Variants in ABTB2 observed in about 807,000 individuals in gnomAD.
ABTB2 encodes ankyrin repeat and BTB domain containing 2.
ABTB2 carries 56 observed loss-of-function variants against 104.1 expected under a neutral mutation model. The observed-to-expected ratio is 0.54, with a 90% CI of 0.43 to 0.67. The LOEUF is 0.67. ABTB2 is among the 30% of genes least tolerant of loss of function. ABTB2 has a pLI of 0.00. For synonymous variants in ABTB2, 606 were observed against 608.2 expected (o/e 1.00, Z 0.05); for missense variants, 1,279 against 1,407.7 (o/e 0.91, Z 1.46).
At chr11:34,299,448 G>A (rs1854671110) in intron 1 of ABTB2, among the ~76,000 whole-genome samples, 2 of 152,180 alleles carry the variant, frequency 1.3e-5, no homozygotes, top group South Asian at 2.1e-4. Flanking sequence ...GAGGAGCTGC[G>A]TGTTTGGAAA....
chr11:34,221,999 C>T lies in ABTB2; in HGVS notation c.884-17309G>A, dbSNP rs189309324. On this transcript the variant is annotated intron_variant, in intron 1 of 16. Transcript: ENST00000435224. ...GGCGGAGGTTGCAGTGAGTCGAGAT[C>T]GCACCATTGCATTTCCAGCCTGGGT... Among the ~76,000 whole-genome samples the T allele has an allele frequency of 6.4e-4, 98 of 152,258 alleles. No individual in the cohort carries two copies. In the East Asian group the frequency reaches 0.016, roughly 25 times the overall value.
chr11:34,229,923 G>C (rs1055545978), intron 1 of ABTB2, among the ~76,000 whole-genome samples: 1 of 152,180 alleles, frequency 6.6e-6, no homozygotes, highest in Non-Finnish European at 1.5e-5. Flanking sequence ...TGTCTACCCA[G>C]TTCTTGCCAC....
intron 1 of ABTB2, among the ~76,000 whole-genome samples, chr11:34,347,078 C>T (rs1855340791): frequency 6.6e-6 from 1 of 152,092 alleles, no homozygotes; most frequent in African/African-American, 2.4e-5. Context: ...TCCAGGCTTC[C>T]AAGTTTAGTT....
At chr11:34,179,275 A>T (rs775992866) in intron 3 of ABTB2, among the ~76,000 whole-genome samples, 11 of 152,182 alleles carry the variant, frequency 7.2e-5, no homozygotes, top group African/African-American at 2.7e-4. Flanking sequence ...TCTCCTGGAT[A>T]CTTGTGAGAG....
intron 2 of ABTB2, among the ~76,000 whole-genome samples, chr11:34,200,668 T>C (rs1364844377): frequency 6.6e-6 from 1 of 152,190 alleles, no homozygotes; most frequent in Non-Finnish European, 1.5e-5. Context: ...TAGACAAAAT[T>C]TCCTTTAACT....
chr11:34,307,016 A>AAAAG, intron 1 of ABTB2, among the ~76,000 whole-genome samples: 1 of 150,006 alleles, frequency 6.7e-6, no homozygotes, highest in Non-Finnish European at 1.5e-5. Context: ...AAAGAAAAAA[A>AAAAG]GCAGACGAAC....
At chr11:34,334,766 G>A (rs1233165302) in intron 1 of ABTB2, among the ~76,000 whole-genome samples, 1 of 57,344 alleles carries the variant, frequency 1.7e-5, no homozygotes, top group South Asian at 9.1e-4. Flanking sequence ...CTTAATATTT[G>A]GGTTTTTTTT....
chr11:34,256,912 G>A (rs1477558616), intron 1 of ABTB2, among the ~76,000 whole-genome samples: 10 of 152,202 alleles, frequency 6.6e-5, no homozygotes, highest in African/African-American at 2.4e-4. Flanking sequence ...ATGAGACAGA[G>A]TTTGTCCTGT....
At chr11:34,290,241 C>T (rs969729561) in intron 1 of ABTB2, among the ~76,000 whole-genome samples, 3 of 152,198 alleles carry the variant, frequency 2.0e-5, no homozygotes, top group African/African-American at 4.8e-5. Flanking sequence ...TAGCTATCTT[C>T]CCTTGCACGA....
chr11:34,153,099 G>A (rs116520106), intron 16 of ABTB2, among the ~76,000 whole-genome samples: 2,817 of 152,304 alleles, frequency 0.018, 84 homozygotes, highest in African/African-American at 0.063. Context: ...TAAAGCCAAC[G>A]TGACAGGATG....
At chr11:34,243,920 A>G (rs1853951802) in intron 1 of ABTB2, among the ~76,000 whole-genome samples, 1 of 152,254 alleles carries the variant, frequency 6.6e-6, no homozygotes, top group Non-Finnish European at 1.5e-5. Context: ...TGTGGCCAAG[A>G]TCCCTCAGTA....
At chr11:34,165,205 G>T in intron 8 of ABTB2, 55 bp downstream of exon 8, 1 of 1,474,140 alleles carries the variant, frequency 6.8e-7, no homozygotes, top group Non-Finnish European at 9.1e-7. Flanking sequence ...GCCTGGCCAG[G>T]CTGGGGGGCA....
At chr11:34,239,616 C>T (rs961129233) in intron 1 of ABTB2, among the ~76,000 whole-genome samples, 1 of 152,212 alleles carries the variant, frequency 6.6e-6, no homozygotes, top group Admixed American at 6.5e-5. Context: ...CAGGTCTGAG[C>T]CACCACCCGG....
At chr11:34,164,106 T>TTTCC (rs1852762055) in intron 9 of ABTB2, among the ~76,000 whole-genome samples, 2 of 152,196 alleles carry the variant, frequency 1.3e-5, no homozygotes, top group Admixed American at 6.5e-5. Flanking sequence ...CAGCCCTGCT[T>TTTCC]ATCCAGCCCC....
intron 1 of ABTB2, among the ~76,000 whole-genome samples, chr11:34,279,025 A>T (rs546320116): frequency 8.5e-5 from 13 of 152,344 alleles, no homozygotes; most frequent in Non-Finnish European, 1.6e-4. Flanking sequence ...ATGCAGCTCC[A>T]TGGGTATAAT....
chr11:34,316,794 A>C (rs932752723), intron 1 of ABTB2, among the ~76,000 whole-genome samples: 1 of 152,228 alleles, frequency 6.6e-6, no homozygotes, highest in African/African-American at 2.4e-5. Context: ...GCCTGTCCTA[A>C]TTGACTACAT....
At chr11:34,172,407 T>A (rs1309358300) in intron 4 of ABTB2, among the ~76,000 whole-genome samples, 3 of 67,748 alleles carry the variant, frequency 4.4e-5, no homozygotes, top group African/African-American at 1.5e-4. Flanking sequence ...TATATATATA[T>A]ATATATATAT....
At chr11:34,250,203 G>A (rs981069995) in intron 1 of ABTB2, among the ~76,000 whole-genome samples, 1 of 152,148 alleles carries the variant, frequency 6.6e-6, no homozygotes. Flanking sequence ...GGGTATCTAG[G>A]CATTAAGGAC....
chr11:34,186,375 T>C (rs772026933), intron 3 of ABTB2, among the ~76,000 whole-genome samples: 19 of 152,228 alleles, frequency 1.2e-4, no homozygotes, highest in Non-Finnish European at 2.1e-4. Context: ...CCAGCTCGGC[T>C]TGGCTCCAGA....
Sources: gnomAD v4.1 joint callset for allele counts (sites outside exome capture counted in the v4.1 genomes callset) on GRCh38, gnomAD v4.1.1 for gene constraint, MANE v1.5 for transcripts, NCBI Gene and HGNC (gene_info 2026-07-23, HGNC 2026-07-21) for gene names.